The following METTL8 variants were observed in gnomAD, a reference collection of about 807,000 sequenced individuals.
The protein encoded by METTL8 is tRNA N(3)-cytidine methyltransferase METTL8, mitochondrial.
A neutral mutation model predicts 48.7 loss-of-function variants in METTL8; 32 were observed. The observed-to-expected ratio is 0.66, with a 90% CI of 0.50 to 0.88. The LOEUF (loss-of-function observed/expected upper bound fraction) is 0.88. Among genes scored for constraint, METTL8 ranks in the 40% least tolerant of loss-of-function variants. The probability of loss-of-function intolerance (pLI) is 0.00; values close to 1 mark genes in which losing one functional copy is unlikely to be tolerated. For synonymous variants in METTL8, 136 were observed against 157.1 expected (o/e 0.87, Z 1.01); for missense variants, 464 against 474.4 (o/e 0.98, Z 0.20).
At chr2:171,432,849 C>T (rs1474529389) in intron 1 of METTL8, among the ~76,000 whole-genome samples, 1 of 152,134 alleles carries the variant, frequency 6.6e-6, no homozygotes, top group Non-Finnish European at 1.5e-5. Flanking sequence ...ACCATTTTTA[C>T]CATAGGCCAA....
upstream of METTL8, chr2:171,434,719 C>A: frequency 6.9e-7 from 1 of 1,445,786 alleles, no homozygotes; most frequent in Non-Finnish European, 9.0e-7. Context: ...CGCCAGCCGG[C>A]CGGGGCGGGA....
In METTL8 at chr2:171,337,839, A is replaced by G. The variant is rs190042712; in HGVS notation, c.607-337T>C. On this transcript the variant is annotated intron_variant, in intron 4 of 9. Transcript: ENST00000375258. ...TAAGCAGAGAAAATAAATGGACAGA[A>G]CAAAAAAGAAGTACAAATGATTCTA... Among the ~76,000 whole-genome samples the G allele has an allele frequency of 1.1e-4, 16 of 152,266 alleles. No individual in the cohort carries two copies. In the East Asian group the frequency reaches 2.7e-3, roughly 26 times the overall value.
At chr2:171,424,982 G>C (rs536857768) in intron 1 of METTL8, among the ~76,000 whole-genome samples, 1 of 152,070 alleles carries the variant, frequency 6.6e-6, no homozygotes, top group African/African-American at 2.4e-5. Context: ...TCATGGGGGT[G>C]GTTACCCTCA....
intron 3 of METTL8, among the ~76,000 whole-genome samples, chr2:171,341,539 C>T (rs566381026): frequency 3.6e-4 from 55 of 151,326 alleles, no homozygotes; most frequent in Non-Finnish European, 5.3e-4. Context: ...GCGCCTGGCA[C>T]GTTCCTTTTT....
chr2:171,380,450 A>G (rs1291303746), intron 2 of METTL8, among the ~76,000 whole-genome samples: 1 of 152,238 alleles, frequency 6.6e-6, no homozygotes, highest in African/African-American at 2.4e-5. Context: ...GAAGAGAGGA[A>G]GCCAAATTGT....
At chr2:171,404,052 C>CAT (rs60563600) in intron 1 of METTL8, among the ~76,000 whole-genome samples, 1,358 of 43,664 alleles carry the variant, frequency 0.031, 156 homozygotes, top group African/African-American at 0.036. Context: ...TATGCTTTCT[C>CAT]ATATATATAT....
intron 3 of METTL8, among the ~76,000 whole-genome samples, chr2:171,359,477 T>C (rs527686375): frequency 3.3e-5 from 5 of 151,952 alleles, no homozygotes; most frequent in Admixed American, 3.3e-4. Context: ...GAAGTAAAAA[T>C]AGAACTACCA....
chr2:171,390,928 T>C (rs762695399), intron 2 of METTL8, among the ~76,000 whole-genome samples: 3 of 152,240 alleles, frequency 2.0e-5, no homozygotes, highest in Admixed American at 6.5e-5. Context: ...ACTTAGTTGA[T>C]AAAACAGTGG....
chr2:171,356,675 G>C (rs1684574763), intron 3 of METTL8, among the ~76,000 whole-genome samples: 1 of 151,752 alleles, frequency 6.6e-6, no homozygotes, highest in East Asian at 1.9e-4. Context: ...GTCTTTCTGT[G>C]CTTGACTTAT....
At chr2:171,334,313 A>C (rs1399700828) in intron 5 of METTL8, among the ~76,000 whole-genome samples, 1 of 152,116 alleles carries the variant, frequency 6.6e-6, no homozygotes, top group Non-Finnish European at 1.5e-5. Context: ...TGGAATTCCC[A>C]CTGTATCAGC....
At chr2:171,328,881 G>A (rs570070898) in intron 7 of METTL8, among the ~76,000 whole-genome samples, 1 of 152,252 alleles carries the variant, frequency 6.6e-6, no homozygotes, top group African/African-American at 2.4e-5. Context: ...TAGAGATGGG[G>A]TTTCACCATG....
At chr2:171,340,625 T>G (rs1299548965) in intron 3 of METTL8, among the ~76,000 whole-genome samples, 1 of 152,164 alleles carries the variant, frequency 6.6e-6, no homozygotes, top group Non-Finnish European at 1.5e-5. Context: ...AAATACAATT[T>G]CAGCATAAAT....
chr2:171,364,742 G>A (rs748456379), intron 2 of METTL8, among the ~76,000 whole-genome samples: 5 of 152,108 alleles, frequency 3.3e-5, no homozygotes, highest in Non-Finnish European at 5.9e-5. Flanking sequence ...CTTACCTAGA[G>A]AAACTTCTGC....
intron 7 of METTL8, among the ~76,000 whole-genome samples, chr2:171,327,554 T>G (rs1258796238): frequency 6.6e-6 from 1 of 152,236 alleles, no homozygotes; most frequent in African/African-American, 2.4e-5. Flanking sequence ...AATCTGTAAA[T>G]TCCTTTCAAT....
intron 1 of METTL8, among the ~76,000 whole-genome samples, chr2:171,408,304 T>G (rs1377895553): frequency 3.3e-5 from 5 of 150,606 alleles, no homozygotes; most frequent in Admixed American, 2.0e-4. Context: ...TTGTTTTTTT[T>G]TTTTTTTGAG....
chr2:171,428,980 G>C (rs1489586853), intron 1 of METTL8, among the ~76,000 whole-genome samples: 2 of 152,150 alleles, frequency 1.3e-5, no homozygotes, highest in African/African-American at 4.8e-5. Context: ...ATAATGAAGT[G>C]CCTGGTATTC....
At position 171,330,676 on chromosome 2, in the gene METTL8, G is replaced by A. The variant is rs754926663; in HGVS notation, c.743C>T (p.Thr248Ile). 1.7e-5 allele frequency: 27 copies of A among 1,613,238 alleles called. No individual in the cohort carries two copies. The Admixed American group carries it at 4.3e-4, about 26-fold the overall frequency. Residue 248 changes from threonine to isoleucine, a missense_variant, in exon 7 of 10, where the codon ACC (threonine) becomes ATC (isoleucine). Transcript: ENST00000375258. ...LVKSHSSYRA[T>I]QCFAFVHDVC... ...ATCATGAACAAAGGCAAAACACTGG[G>A]TTGCTCTGTAGGACGAGTGTGACTG...
intron 7 of METTL8, among the ~76,000 whole-genome samples, chr2:171,327,894 A>G (rs1275586466): frequency 2.0e-5 from 3 of 152,218 alleles, no homozygotes; most frequent in African/African-American, 7.2e-5. Flanking sequence ...TCTTTCTGTA[A>G]TTATTAGTAA....
rs894854248 is a variant in METTL8, at chr2:171,321,632, T to C, written c.*2540A>G. The C allele has an allele frequency of 2.6e-5, 4 of 152,208 alleles. No homozygotes were observed. Among genetic ancestry groups the C allele is most frequent in the African/African-American group, 9.6e-5 (4 of 41,456 alleles). The allele number at this position is 152,208 out of a possible 1,614,324, so 9.4% of individuals were successfully genotyped here. ...AATGATGGTTCTTTCAAGAGAGTAT[T>C]TATTTATTCTAGGTTCTGTGGTTCA... On this transcript the variant is annotated 3_prime_UTR_variant, in exon 10 of 10. Transcript: ENST00000375258.
Sources: gnomAD v4.1 joint callset for allele counts (sites outside exome capture counted in the v4.1 genomes callset) on GRCh38, gnomAD v4.1.1 for gene constraint, MANE v1.5 for transcripts, NCBI Gene and HGNC (gene_info 2026-07-23, HGNC 2026-07-21) for gene names.